Variants in SLC25A26 observed in about 807,000 individuals in gnomAD.
SLC25A26 encodes the protein mitochondrial S-adenosylmethionine carrier protein.
Under a neutral mutation model 37.8 loss-of-function variants are expected in SLC25A26, and 36 were observed. That is an observed-to-expected ratio of 0.95 (90% confidence interval 0.73 to 1.26). SLC25A26 has a LOEUF of 1.26. Among genes scored for constraint, SLC25A26 ranks in the 50% most tolerant of loss-of-function variants. The probability of loss-of-function intolerance (pLI) is 0.00; values close to 1 mark genes in which losing one functional copy is unlikely to be tolerated. For missense variants in SLC25A26, 390 were observed against 331.1 expected, an observed-to-expected ratio of 1.18 and a Z score of -1.38; for synonymous variants, 129 against 122.5, an observed-to-expected ratio of 1.05 and a Z score of -0.35.
chr3:66,282,757 G>A (rs528121490), intron 5 of SLC25A26, among the ~76,000 whole-genome samples: 18 of 152,210 alleles, frequency 1.2e-4, no homozygotes, highest in African/African-American at 3.9e-4. Flanking sequence ...TGAATTCAGC[G>A]TACGTATAGA....
chr3:66,287,029 G>A (rs1000662846), intron 5 of SLC25A26, among the ~76,000 whole-genome samples: 4 of 152,132 alleles, frequency 2.6e-5, no homozygotes, highest in Admixed American at 2.6e-4. Flanking sequence ...GGGTGCGGTG[G>A]CTCACGCCTG....
chr3:66,247,266 A>AAT (rs941669457), intron 3 of SLC25A26, among the ~76,000 whole-genome samples: 18 of 120,954 alleles, frequency 1.5e-4, no homozygotes, highest in East Asian at 4.4e-4. Context: ...TATAAATATA[A>AAT]ATATATATAT....
intron 1 of SLC25A26, among the ~76,000 whole-genome samples, chr3:66,171,721 C>T (rs958267761): frequency 3.9e-5 from 6 of 152,208 alleles, no homozygotes; most frequent in African/African-American, 1.2e-4. Context: ...AACTCCTGGC[C>T]TCAAGTGAGC....
intron 1 of SLC25A26, among the ~76,000 whole-genome samples, chr3:66,155,905 C>T (rs1285681277): frequency 1.3e-5 from 2 of 152,196 alleles, no homozygotes; most frequent in Admixed American, 6.5e-5. Context: ...GACCAGACCA[C>T]TCCACTCTCT....
chr3:66,321,003 G>A (rs1021234700), intron 5 of SLC25A26, among the ~76,000 whole-genome samples: 3 of 152,128 alleles, frequency 2.0e-5, no homozygotes, highest in Non-Finnish European at 4.4e-5. Context: ...GAGGTGTATG[G>A]CCTTTGGAAG....
intron 1 of SLC25A26, among the ~76,000 whole-genome samples, chr3:66,153,494 G>A (rs960021138): frequency 3.9e-5 from 6 of 152,340 alleles, no homozygotes; most frequent in African/African-American, 1.4e-4. Context: ...CTGGAGTGGG[G>A]TCCAGTCATC....
intron 2 of SLC25A26, among the ~76,000 whole-genome samples, chr3:66,240,112 A>G (rs999438275): frequency 6.6e-6 from 1 of 152,118 alleles, no homozygotes; most frequent in South Asian, 2.1e-4. Context: ...GCTCTGTGAT[A>G]GGCAATTTAT....
At chr3:66,156,444 G>A (rs563957976) in intron 1 of SLC25A26, among the ~76,000 whole-genome samples, 43 of 133,682 alleles carry the variant, frequency 3.2e-4, no homozygotes, top group Non-Finnish European at 5.9e-4. Context: ...ACATGATATA[G>A]GGTGATAGGG....
In SLC25A26 at chr3:66,165,865, T is replaced by C. The variant is rs539551476; in HGVS notation, c.-354+31881T>C. 2.7e-4 allele frequency among the ~76,000 whole-genome samples: 41 copies of C among 152,124 alleles called. 1 individual carries two copies. The highest frequency in any genetic ancestry group is 3.4e-3 in the Middle Eastern group (1 of 294). ...GTGTCCAACATTAGGAAACACAACA[T>C]GCAAGGAGTGGTAATTCAGGACCAA... On this transcript the variant is annotated intron_variant, in intron 1 of 10. Transcript: ENST00000676754.
At chr3:66,278,663 A>AATG in intron 5 of SLC25A26, among the ~76,000 whole-genome samples, 1 of 152,142 alleles carries the variant, frequency 6.6e-6, no homozygotes, top group East Asian at 1.9e-4. Flanking sequence ...TTCATTTTAG[A>AATG]AACTTTAAGT....
intron 5 of SLC25A26, among the ~76,000 whole-genome samples, chr3:66,280,489 C>G (rs1035952974): frequency 6.6e-6 from 1 of 152,122 alleles, no homozygotes; most frequent in African/African-American, 2.4e-5. Context: ...AGTGAGAAAG[C>G]TGACCTTTGG....
chr3:66,328,445 G>A (rs946707961), intron 5 of SLC25A26, among the ~76,000 whole-genome samples: 4 of 152,168 alleles, frequency 2.6e-5, no homozygotes, highest in Non-Finnish European at 5.9e-5. Context: ...GAGATCAGCT[G>A]TGGACTCTAG....
intron 5 of SLC25A26, among the ~76,000 whole-genome samples, chr3:66,265,979 G>A (rs1238215020): frequency 6.6e-6 from 1 of 152,206 alleles, no homozygotes; most frequent in Non-Finnish European, 1.5e-5. Flanking sequence ...CATACAAACA[G>A]ATAAAACACA....
rs1559747245 is a variant in SLC25A26 at position 66,369,543 on chromosome 3, GTAAGTGGTGAAA to G, written c.633+5_633+16del. On this transcript the variant is annotated splice_donor_variant and splice_donor_5th_base_variant and intron_variant, in intron 8 of 9. Coordinates refer to ENST00000354883, the MANE Select transcript of SLC25A26 (RefSeq NM_001379210.1). LOFTEE classifies it high-confidence loss of function. ...AAAGACAAGAATTACGCTGGCAAAG[GTAAGTGGTGAAA>G]TAATGTAATGGAGATACTTCAGATG... is the stretch of plus-strand genomic sequence containing the variant. 1 of 1,592,968 alleles carries G rather than the reference GTAAGTGGTGAAA, an allele frequency of 6.3e-7. No homozygotes were observed. Among genetic ancestry groups the G allele is most frequent in the African/African-American group, 1.3e-5 (1 of 74,696 alleles).
At chr3:66,141,517 T>A (rs2070033796) in intron 1 of SLC25A26, among the ~76,000 whole-genome samples, 3 of 64,622 alleles carry the variant, frequency 4.6e-5, no homozygotes, top group Non-Finnish European at 9.7e-5. Context: ...TAGTGTGAAT[T>A]TTTTTTTTTT....
At chr3:66,157,050 T>G (rs746955322) in intron 1 of SLC25A26, among the ~76,000 whole-genome samples, 1 of 151,790 alleles carries the variant, frequency 6.6e-6, no homozygotes, top group African/African-American at 2.4e-5. Context: ...CTGGACAACA[T>G]AGTGAGACCC....
At chr3:66,288,529 A>G (rs532594924) in intron 5 of SLC25A26, among the ~76,000 whole-genome samples, 2 of 152,060 alleles carry the variant, frequency 1.3e-5, no homozygotes, top group Admixed American at 6.5e-5. Flanking sequence ...CCCTGTGTCA[A>G]TGTGTTCTCA....
intron 5 of SLC25A26, among the ~76,000 whole-genome samples, chr3:66,280,837 T>A (rs1465945633): frequency 1.3e-5 from 2 of 152,196 alleles, no homozygotes; most frequent in Non-Finnish European, 2.9e-5. Flanking sequence ...AGCAGACAAT[T>A]TGACACTTAT....
intron 5 of SLC25A26, among the ~76,000 whole-genome samples, chr3:66,314,234 A>G (rs1329078922): frequency 6.6e-6 from 1 of 152,206 alleles, no homozygotes; most frequent in Non-Finnish European, 1.5e-5. Context: ...TTGCCCATTC[A>G]GTATGATACG....
Sources: gnomAD v4.1 joint callset for allele counts (sites outside exome capture counted in the v4.1 genomes callset) on GRCh38, gnomAD v4.1.1 for gene constraint, MANE v1.5 for transcripts, NCBI Gene and HGNC (gene_info 2026-07-23, HGNC 2026-07-21) for gene names.